STX12: variants seen among roughly 807,000 people sequenced by gnomAD.
STX12 encodes syntaxin-12.
Under a neutral mutation model 42.2 loss-of-function variants are expected in STX12, and 17 were observed. That is an observed-to-expected ratio of 0.40 (90% CI 0.28 to 0.60). STX12 has a LOEUF of 0.60. Ranked by LOEUF, STX12 falls within the 20% of genes least tolerant of loss-of-function variation. The probability of loss-of-function intolerance (pLI) is 0.39; values close to 1 mark genes in which losing one functional copy is unlikely to be tolerated. For synonymous variants in STX12, 108 were observed against 116.7 expected (o/e 0.93, Z 0.48); for missense variants, 297 against 330.9 (o/e 0.90, Z 0.79).
chr1:27,817,476 A>G (rs2088951595), intron 6 of STX12, among the ~76,000 whole-genome samples: 2 of 152,118 alleles, frequency 1.3e-5, no homozygotes, highest in African/African-American at 4.8e-5. Flanking sequence ...CTGTAGTCCA[A>G]AGTCCCAGTG....
chr1:27,812,929 C>T (rs532741051), intron 6 of STX12, among the ~76,000 whole-genome samples: 18 of 152,260 alleles, frequency 1.2e-4, no homozygotes, highest in African/African-American at 3.6e-4. Context: ...TGCCAACCTC[C>T]GGGTTAGGCA....
intron 1 of STX12, among the ~76,000 whole-genome samples, 186 bp downstream of exon 1, chr1:27,773,611 C>T (rs989069009): frequency 1.3e-5 from 2 of 152,180 alleles, no homozygotes; most frequent in Non-Finnish European, 2.9e-5. Context: ...CCCGAGGGTC[C>T]CCGGCCCCAG....
intron 1 of STX12, among the ~76,000 whole-genome samples, chr1:27,781,365 C>T (rs998200188): frequency 9.9e-5 from 15 of 152,062 alleles, no homozygotes; most frequent in African/African-American, 3.1e-4. Context: ...ATTATTAATA[C>T]TTGTTGAATC....
intron 3 of STX12, among the ~76,000 whole-genome samples, chr1:27,794,767 C>G (rs906207779): frequency 2.0e-5 from 3 of 152,120 alleles, no homozygotes; most frequent in Non-Finnish European, 4.4e-5. Flanking sequence ...CTCTGTCACC[C>G]AGGCTGAGTG....
intron 7 of STX12, 116 bp from the exon 8 acceptor site, chr1:27,819,534 C>CTG (rs1179977759): frequency 3.8e-6 from 3 of 780,184 alleles, no homozygotes; most frequent in Non-Finnish European, 6.1e-6. Flanking sequence ...GATTTCATGG[C>CTG]TGGATAGTTT....
chr1:27,802,747 A>G (rs766097688), intron 4 of STX12, among the ~76,000 whole-genome samples: 10 of 152,212 alleles, frequency 6.6e-5, no homozygotes, highest in African/African-American at 2.4e-4. Context: ...ACTAAAAATA[A>G]CCATGTGTGC....
At chr1:27,818,734 A>G (rs1421722200) in intron 7 of STX12, among the ~76,000 whole-genome samples, 1 of 151,852 alleles carries the variant, frequency 6.6e-6, no homozygotes, top group East Asian at 2.0e-4. Context: ...GGTTCAAACA[A>G]TTCTGCTGCC....
chr1:27,778,363 A>G (rs923633069), intron 1 of STX12, among the ~76,000 whole-genome samples: 6 of 152,316 alleles, frequency 3.9e-5, no homozygotes, highest in South Asian at 2.1e-4. Flanking sequence ...CTGAAAACCT[A>G]TTAGCCTCAA....
rs562795986 is a variant in STX12, at chr1:27,802,866, T to C, written c.426+1051T>C. Among the ~76,000 whole-genome samples, 13 of 152,240 alleles carry C rather than the reference T, an allele frequency of 8.5e-5. No homozygotes were observed. The East Asian group carries it at 2.3e-3, about 27-fold the overall frequency. On this transcript the variant is annotated intron_variant, in intron 4 of 8. Transcript: ENST00000373943. Reference sequence around the variant, plus strand: ...TATAAGACAACTATACTTATTGTGTTTAAAGACATAAAAGGCTGAAAACCT... The same window carrying C: ...TATAAGACAACTATACTTATTGTGTCTAAAGACATAAAAGGCTGAAAACCT...
intron 3 of STX12, among the ~76,000 whole-genome samples, chr1:27,799,998 C>T (rs926732236): frequency 1.9e-3 from 3 of 1,568 alleles, no homozygotes; most frequent in African/African-American, 0.011. Flanking sequence ...TCAAGTGATC[C>T]ACCCACCTTG....
chr1:27,822,583 C>G lies in STX12; in HGVS notation c.*254C>G. ...TTGCTTCCTCTTGTATTCTGATTGC[C>G]CTTCATCCCAAGTGTTTACTGAAAA... On this transcript the variant is annotated 3_prime_UTR_variant, in exon 9 of 9. Transcript: ENST00000373943. The G allele has an allele frequency of 2.9e-6, 1 of 339,940 alleles. No homozygotes were observed. Among genetic ancestry groups the G allele is most frequent in the Non-Finnish European group, 5.5e-6 (1 of 183,394 alleles). The allele number at this position is 339,940 out of a possible 1,614,324, so 21.1% of individuals were successfully genotyped here.
At chr1:27,794,199 A>G (rs1229355596) in intron 3 of STX12, among the ~76,000 whole-genome samples, 1 of 151,740 alleles carries the variant, frequency 6.6e-6, no homozygotes, top group Non-Finnish European at 1.5e-5. Flanking sequence ...TAATTTTAAC[A>G]ATTTTTTTGT....
intron 1 of STX12, among the ~76,000 whole-genome samples, chr1:27,779,790 CT>C (rs540382809): frequency 9.7e-4 from 141 of 145,336 alleles, no homozygotes; most frequent in Non-Finnish European, 9.3e-4. Flanking sequence ...TTGGTTCCTC[CT>C]TTTTTTTTTT....
chr1:27,822,371 A>G lies in STX12; in HGVS notation c.*42A>G, dbSNP rs745735917. 2 of 1,309,616 alleles carry G rather than the reference A, an allele frequency of 1.5e-6. No homozygotes were observed. Among genetic ancestry groups the G allele is most frequent in the Non-Finnish European group, 2.2e-6 (2 of 902,282 alleles). The allele number at this position is 1,309,616 out of a possible 1,614,324, so 81.1% of individuals were successfully genotyped here. A position where few individuals can be genotyped will look rare whatever the true frequency, so the allele number is the denominator to read the frequency against. ...TCCCGCTGAGCTGTTTTCAAGGGCA[A>G]GTGCTTGTTGAAGTCTTGCCAGAAC... On this transcript the variant is annotated 3_prime_UTR_variant, in exon 9 of 9. Coordinates refer to ENST00000373943, the MANE Select transcript of STX12 (RefSeq NM_177424.3).
At chr1:27,816,091 G>C (rs2088939203) in intron 6 of STX12, among the ~76,000 whole-genome samples, 1 of 152,042 alleles carries the variant, frequency 6.6e-6, no homozygotes, top group African/African-American at 2.4e-5. Flanking sequence ...CAAAGTGGGT[G>C]GATCACCTGA....
chr1:27,814,440 A>C, intron 6 of STX12, among the ~76,000 whole-genome samples: 1 of 148,582 alleles, frequency 6.7e-6, no homozygotes, highest in African/African-American at 2.5e-5. Context: ...GAGGCAGAAG[A>C]TCACTTGAGC....
At chr1:27,786,535 C>A (rs913631412) in intron 1 of STX12, among the ~76,000 whole-genome samples, 1 of 152,162 alleles carries the variant, frequency 6.6e-6, no homozygotes, top group Non-Finnish European at 1.5e-5. Flanking sequence ...GAATTTATTT[C>A]TCTTTATACC....
chr1:27,794,037 G>C (rs1033905948), intron 3 of STX12, among the ~76,000 whole-genome samples: 1 of 141,048 alleles, frequency 7.1e-6, no homozygotes, highest in Admixed American at 7.2e-5. Context: ...TGTTGTTGTC[G>C]TTTTGGAGAC....
At chr1:27,800,923 C>T (rs910159515) in intron 3 of STX12, among the ~76,000 whole-genome samples, 8 of 152,228 alleles carry the variant, frequency 5.3e-5, no homozygotes, top group African/African-American at 1.9e-4. Flanking sequence ...CACTAAAAGC[C>T]TGTGAAATGC....
Sources: gnomAD v4.1 joint callset for allele counts (sites outside exome capture counted in the v4.1 genomes callset) on GRCh38, gnomAD v4.1.1 for gene constraint, MANE v1.5 for transcripts, NCBI Gene and HGNC (gene_info 2026-07-23, HGNC 2026-07-21) for gene names.